The following AGBL4 variants were observed in gnomAD, a reference collection of about 807,000 sequenced individuals.
AGBL4 encodes cytosolic carboxypeptidase 6.
In AGBL4, 58 loss-of-function variants were observed where a neutral mutation model predicts 66.4. The ratio of observed to expected loss-of-function variants is 0.87; its 90% CI spans 0.71 to 1.09. The LOEUF (loss-of-function observed/expected upper bound fraction) is 1.09, where lower values mean the gene tolerates loss of function less well. AGBL4 is among the 50% of genes least tolerant of loss of function. The pLI, the probability that AGBL4 is intolerant of heterozygous loss-of-function variation, is 0.00. For synonymous variants in AGBL4, 234 were observed against 222.9 expected (o/e 1.05, Z -0.44); for missense variants, 579 against 631.0 (o/e 0.92, Z 0.88).
chr1:49,018,605 T>C (rs533944208), intron 5 of AGBL4, among the ~76,000 whole-genome samples: 1 of 152,296 alleles, frequency 6.6e-6, no homozygotes, highest in East Asian at 1.9e-4. Context: ...CATTTCTGGG[T>C]CCTGAGCATC....
intron 2 of AGBL4, among the ~76,000 whole-genome samples, chr1:49,836,543 T>C (rs1645854271): frequency 6.6e-6 from 1 of 151,998 alleles, no homozygotes; most frequent in Non-Finnish European, 1.5e-5. Flanking sequence ...CTCAGAGGAG[T>C]TTATTATTAC....
intron 8 of AGBL4, among the ~76,000 whole-genome samples, chr1:48,641,593 C>T (rs968277531): frequency 6.6e-6 from 1 of 152,098 alleles, no homozygotes; most frequent in African/African-American, 2.4e-5. Flanking sequence ...CATCTGTTTG[C>T]TCAAAGACCT....
intron 2 of AGBL4, chr1:49,844,576 T>G (rs1646087992): frequency 2.9e-6 from 3 of 1,024,864 alleles, no homozygotes; most frequent in Non-Finnish European, 4.1e-6. Flanking sequence ...CAAAGCCACT[T>G]GCACCTTGAA....
rs368394502 is a variant in AGBL4 at position 49,477,652 on chromosome 1, G to A, written c.282+219661C>T. Among the ~76,000 whole-genome samples the A allele has an allele frequency of 3.4e-4, 52 of 152,098 alleles. 1 individual carries two copies. In the South Asian group the frequency reaches 9.7e-3, roughly 28 times the overall value. On this transcript the variant is annotated intron_variant, in intron 3 of 13. Coordinates refer to ENST00000371839, the MANE Select transcript of AGBL4 (RefSeq NM_032785.4). ...ACTGCAATAAATAACAAACTTTTCAGTGCTGAAGAAATCTACTAGCATCAA... is the reference window on the plus strand; with the variant it reads ...ACTGCAATAAATAACAAACTTTTCAATGCTGAAGAAATCTACTAGCATCAA...
chr1:48,697,044 C>T (rs577859261), intron 6 of AGBL4, among the ~76,000 whole-genome samples: 2 of 152,286 alleles, frequency 1.3e-5, no homozygotes, highest in Admixed American at 6.5e-5. Context: ...ACTGCAGACT[C>T]TTTGAGGGCA....
intron 6 of AGBL4, among the ~76,000 whole-genome samples, chr1:48,834,540 A>T (rs1355989191): frequency 1.3e-5 from 2 of 152,020 alleles, no homozygotes; most frequent in Non-Finnish European, 2.9e-5. Context: ...TGATGGGATT[A>T]ATGTCTTTAT....
intron 3 of AGBL4, among the ~76,000 whole-genome samples, chr1:49,459,150 A>G (rs910858092): frequency 1.3e-5 from 2 of 151,322 alleles, no homozygotes; most frequent in African/African-American, 4.8e-5. Context: ...CTCTTTCTCT[A>G]GCCTGTGGAA....
chr1:49,158,475 T>A (rs1646477857), intron 4 of AGBL4, among the ~76,000 whole-genome samples: 1 of 152,140 alleles, frequency 6.6e-6, no homozygotes, highest in Non-Finnish European at 1.5e-5. Flanking sequence ...CTGAGGAGTG[T>A]TTTACTTCCA....
chr1:49,916,964 A>G (rs1651589543), intron 1 of AGBL4, among the ~76,000 whole-genome samples: 1 of 152,184 alleles, frequency 6.6e-6, no homozygotes. Context: ...TCAACCTAGA[A>G]TTTTTATCCA....
chr1:48,990,786 A>T (rs1660543468), intron 5 of AGBL4, among the ~76,000 whole-genome samples: 1 of 152,114 alleles, frequency 6.6e-6, no homozygotes, highest in Non-Finnish European at 1.5e-5. Flanking sequence ...ATATCTCATA[A>T]CCCATTATTT....
At position 49,232,118 on chromosome 1, in the gene AGBL4, G is replaced by C. The variant is rs943596621; in HGVS notation, c.377+13652C>G. Reference sequence around the variant, plus strand: ...TACTAATGCATACAGGTTTCCACTGGGGGGAGTGATGAAAATGTTCTAAAA... The same window carrying C: ...TACTAATGCATACAGGTTTCCACTGCGGGGAGTGATGAAAATGTTCTAAAA... On this transcript the variant is annotated intron_variant, in intron 4 of 13. Coordinates refer to ENST00000371839, the MANE Select transcript of AGBL4 (RefSeq NM_032785.4). Among the ~76,000 whole-genome samples the C allele has an allele frequency of 1.1e-4, 16 of 152,216 alleles. No individual in the cohort carries two copies. The East Asian group carries it at 2.5e-3, about 24-fold the overall frequency.
At chr1:48,862,810 C>T (rs1386523752) in intron 6 of AGBL4, among the ~76,000 whole-genome samples, 1 of 152,060 alleles carries the variant, frequency 6.6e-6, no homozygotes, top group Non-Finnish European at 1.5e-5. Context: ...TATTATGCTC[C>T]AAACAAAGAA....
At chr1:48,912,602 T>C (rs1334477991) in intron 5 of AGBL4, among the ~76,000 whole-genome samples, 2 of 152,198 alleles carry the variant, frequency 1.3e-5, no homozygotes, top group African/African-American at 4.8e-5. Flanking sequence ...ATGGACTGTA[T>C]GCAAGGCAGA....
At position 49,080,386 on chromosome 1, in the gene AGBL4, G is replaced by A. The variant is rs529007069; in HGVS notation, c.378-34586C>T. 2.6e-3 allele frequency among the ~76,000 whole-genome samples: 402 copies of A among 152,214 alleles called. 1 individual carries two copies. Among genetic ancestry groups the A allele is most frequent in the African/African-American group, 9.2e-3 (381 of 41,542 alleles). On this transcript the variant is annotated intron_variant, in intron 4 of 13. Coordinates refer to ENST00000371839, the MANE Select transcript of AGBL4 (RefSeq NM_032785.4). ...AAAGAGGGGCTACCAGGCTCTATAA[G>A]CTGAGGCGTCACTTTATATTAATAG...
In AGBL4 at chr1:49,207,546, C is replaced by CT. The variant is rs778160495; in HGVS notation, c.377+38223dup. 9.2e-5 allele frequency among the ~76,000 whole-genome samples: 7 copies of CT among 76,180 alleles called. No homozygotes were observed. The South Asian group carries it at 2.6e-3, about 29-fold the overall frequency. 50.0% of individuals were successfully genotyped at this position (76,180 alleles called of 152,430 possible). ...TTCTCTCTTTCTTTTTCTTTCTTTT[C>CT]TTTCTTTCTTTCTTTCTTTCTTTCT... On this transcript the variant is annotated intron_variant, in intron 4 of 13. Transcript: ENST00000371839.
chr1:49,637,370 G>A (rs938977667), intron 3 of AGBL4, among the ~76,000 whole-genome samples: 2 of 151,234 alleles, frequency 1.3e-5, no homozygotes, highest in East Asian at 1.9e-4. Context: ...GGATGATCTC[G>A]GCTCGCTGCA....
intron 3 of AGBL4, among the ~76,000 whole-genome samples, chr1:49,536,925 TAAAC>T (rs1651634469): frequency 6.6e-6 from 1 of 151,466 alleles, no homozygotes; most frequent in African/African-American, 2.4e-5. Flanking sequence ...GAGAATCACT[TAAAC>T]CCGGGAGCTG....
chr1:49,161,921 A>C (rs1248038782), intron 4 of AGBL4, among the ~76,000 whole-genome samples: 1 of 152,148 alleles, frequency 6.6e-6, no homozygotes, highest in Non-Finnish European at 1.5e-5. Flanking sequence ...AGAAATTTTC[A>C]GTTTTCTTGA....
chr1:49,304,479 T>A (rs1417116411), intron 3 of AGBL4, among the ~76,000 whole-genome samples: 2 of 151,752 alleles, frequency 1.3e-5, no homozygotes, highest in Non-Finnish European at 2.9e-5. Context: ...CCTGTGGGAG[T>A]TTATCACTTC....
Sources: gnomAD v4.1 joint callset for allele counts (sites outside exome capture counted in the v4.1 genomes callset) on GRCh38, gnomAD v4.1.1 for gene constraint, MANE v1.5 for transcripts, NCBI Gene and HGNC (gene_info 2026-07-23, HGNC 2026-07-21) for gene names.